The following RPS6KA5 variants were observed in gnomAD, a reference collection of about 807,000 sequenced individuals.
The protein encoded by RPS6KA5 is ribosomal protein S6 kinase alpha-5.
A neutral mutation model predicts 85.5 loss-of-function variants in RPS6KA5; 27 were observed. The ratio of observed to expected loss-of-function variants is 0.32; its 90% CI spans 0.23 to 0.44. The LOEUF is 0.44. Among genes scored for constraint, RPS6KA5 ranks in the 20% least tolerant of loss-of-function variants. The pLI is 1.00. For missense variants in RPS6KA5, 811 were observed against 980.9 expected (o/e 0.83, Z 2.31); for synonymous variants, 334 against 348.2 (o/e 0.96, Z 0.46).
intron 5 of RPS6KA5, among the ~76,000 whole-genome samples, chr14:90,926,695 G>A (rs947583383): frequency 2.0e-5 from 3 of 150,810 alleles, no homozygotes; most frequent in African/African-American, 7.3e-5. Context: ...GTGTGTGTGT[G>A]TACATATCTC....
At chr14:90,981,361 C>T (rs866560025) in intron 2 of RPS6KA5, among the ~76,000 whole-genome samples, 3 of 152,076 alleles carry the variant, frequency 2.0e-5, no homozygotes, top group African/African-American at 4.8e-5. Flanking sequence ...AAGATGACTC[C>T]GAGACCTCTC....
At chr14:90,887,945 CAAAAAAAA>C (rs34947711) in intron 14 of RPS6KA5, among the ~76,000 whole-genome samples, 84 of 42,760 alleles carry the variant, frequency 2.0e-3, no homozygotes, top group South Asian at 8.6e-3. Flanking sequence ...GAGGCTATCG[CAAAAAAAA>C]AAAAAAAAAA....
At chr14:90,951,118 CAAAAAAAA>C (rs57389099) in intron 3 of RPS6KA5, among the ~76,000 whole-genome samples, 35 of 84,546 alleles carry the variant, frequency 4.1e-4, no homozygotes, top group Admixed American at 4.1e-3. Context: ...GACTCAGTCT[CAAAAAAAA>C]AAAAAAAAAA....
At chr14:91,047,113 T>C (rs1445303187) in intron 1 of RPS6KA5, among the ~76,000 whole-genome samples, 1 of 152,036 alleles carries the variant, frequency 6.6e-6, no homozygotes, top group Non-Finnish European at 1.5e-5. Flanking sequence ...TCCCATATTT[T>C]CCCTACTACT....
chr14:90,885,767 A>AG (rs1566690691), intron 14 of RPS6KA5, among the ~76,000 whole-genome samples: 2 of 140,008 alleles, frequency 1.4e-5, no homozygotes, highest in African/African-American at 2.7e-5. Context: ...AAAAAAAAAA[A>AG]AAAAAAGAAA....
rs2032080243 is a variant in RPS6KA5 at position 90,852,883 on chromosome 14, C to G, written c.*19191G>C. Reference sequence around the variant, plus strand: ...TAGCTGGGACTACAGGCGCCTGCCACCACGCCCGGCTAATTTTTGTTGTAT... The same window carrying G: ...TAGCTGGGACTACAGGCGCCTGCCAGCACGCCCGGCTAATTTTTGTTGTAT... On this transcript the variant is annotated 3_prime_UTR_variant, in exon 17 of 17. Coordinates refer to ENST00000614987, the MANE Select transcript of RPS6KA5 (RefSeq NM_004755.4). 6.6e-6 allele frequency: 1 copy of G among 152,270 alleles called. No individual in the cohort carries two copies. Among genetic ancestry groups the G allele is most frequent in the African/African-American group, 2.4e-5 (1 of 41,354 alleles). The allele number at this position is 152,270 out of a possible 1,614,324, so 9.4% of individuals were successfully genotyped here. A position where few individuals can be genotyped will look rare whatever the true frequency, so the allele number is the denominator to read the frequency against.
At chr14:90,884,397 T>G (rs1309721935) in intron 14 of RPS6KA5, among the ~76,000 whole-genome samples, 1 of 152,164 alleles carries the variant, frequency 6.6e-6, no homozygotes, top group Non-Finnish European at 1.5e-5. Context: ...ATTTTGAATT[T>G]TCAGATTAGG....
chr14:90,979,042 G>A (rs1035121509), intron 2 of RPS6KA5, among the ~76,000 whole-genome samples: 1 of 152,136 alleles, frequency 6.6e-6, no homozygotes, highest in African/African-American at 2.4e-5. Context: ...GAGATCTTCA[G>A]ACTTAAAACA....
In RPS6KA5 at chr14:90,859,946, C is replaced by A. The variant is rs147416070; in HGVS notation, c.*12128G>T. ...TGGAAACAGGGAGGGGAACATCACA[C>A]GCTGGGGCCTGTCGGGGGGTTGGGG... On this transcript the variant is annotated 3_prime_UTR_variant, in exon 17 of 17. Coordinates refer to ENST00000614987, the MANE Select transcript of RPS6KA5 (RefSeq NM_004755.4). 1 of 145,632 alleles carries A rather than the reference C, an allele frequency of 6.9e-6. No homozygotes were observed. Among genetic ancestry groups the A allele is most frequent in the Non-Finnish European group, 1.5e-5 (1 of 66,894 alleles). The allele number at this position is 145,632 out of a possible 1,614,324, so 9.0% of individuals were successfully genotyped here. A position where few individuals can be genotyped will look rare whatever the true frequency, so the allele number is the denominator to read the frequency against.
intron 14 of RPS6KA5, among the ~76,000 whole-genome samples, chr14:90,887,707 A>C (rs1197906016): frequency 1.3e-5 from 2 of 152,002 alleles, no homozygotes; most frequent in Non-Finnish European, 2.9e-5. Context: ...CTGTAATCCC[A>C]GCATTTTGAG....
At chr14:91,050,401 A>G (rs1434157132) in intron 1 of RPS6KA5, among the ~76,000 whole-genome samples, 2 of 151,996 alleles carry the variant, frequency 1.3e-5, no homozygotes, top group Non-Finnish European at 2.9e-5. Context: ...AACAAAAACA[A>G]AAACAAAGCA....
At chr14:91,040,815 C>G (rs2042580522) in intron 1 of RPS6KA5, among the ~76,000 whole-genome samples, 1 of 152,186 alleles carries the variant, frequency 6.6e-6, no homozygotes, top group Non-Finnish European at 1.5e-5. Flanking sequence ...AATATCCAAG[C>G]ACTGAGTGCT....
chr14:90,885,125 T>C (rs1488069370), intron 14 of RPS6KA5, among the ~76,000 whole-genome samples: 1 of 151,604 alleles, frequency 6.6e-6, no homozygotes, highest in Non-Finnish European at 1.5e-5. Flanking sequence ...TGGTGGTGTG[T>C]GCCTGTAATC....
chr14:90,908,386 C>A (rs1033676766), intron 7 of RPS6KA5, among the ~76,000 whole-genome samples: 1 of 152,184 alleles, frequency 6.6e-6, no homozygotes, highest in South Asian at 2.1e-4. Flanking sequence ...TAGCCTAAAC[C>A]CCTCCCATTC....
chr14:90,902,195 AT>A (rs202188158), intron 9 of RPS6KA5, among the ~76,000 whole-genome samples: 3 of 150,148 alleles, frequency 2.0e-5, no homozygotes, highest in Non-Finnish European at 4.4e-5. Flanking sequence ...AAAAAAAAAA[AT>A]TTTTTTGGCT....
In RPS6KA5 at chr14:91,060,539, C is replaced by G. The variant is rs976999301; in HGVS notation, c.-105G>C. 2 of 1,217,712 alleles carry G rather than the reference C, an allele frequency of 1.6e-6. No individual in the cohort carries two copies. Among genetic ancestry groups the G allele is most frequent in the Non-Finnish European group, 2.1e-6 (2 of 970,050 alleles). 75.4% of individuals were successfully genotyped at this position (1,217,712 alleles called of 1,614,324 possible). A position where few individuals can be genotyped will look rare whatever the true frequency, so the allele number is the denominator to read the frequency against. The stretch of plus-strand genomic sequence containing the variant: ...TGCCGCGGCCCCAGGAGTCGGGGTG[C>G]GGCGGCTCCAGAACTCGGACGCAAA... On this transcript the variant is annotated 5_prime_UTR_variant, in exon 1 of 17. Transcript: ENST00000614987.
chr14:90,947,337 C>T, intron 4 of RPS6KA5, 98 bp downstream of exon 4: 1 of 693,426 alleles, frequency 1.4e-6, no homozygotes, highest in South Asian at 1.9e-5. Flanking sequence ...ATAATCTCCA[C>T]TAAGACAATA....
rs1036968309 is a variant in RPS6KA5, at chr14:90,862,713, T to C, written c.*9361A>G. 6 of 152,212 alleles carry C rather than the reference T, an allele frequency of 3.9e-5. No homozygotes were observed. The highest frequency in any genetic ancestry group is 1.2e-4 in the African/African-American group (5 of 41,438). The allele number at this position is 152,212 out of a possible 1,614,324, so 9.4% of individuals were successfully genotyped here. On this transcript the variant is annotated 3_prime_UTR_variant, in exon 17 of 17. Coordinates refer to ENST00000614987, the MANE Select transcript of RPS6KA5 (RefSeq NM_004755.4). ...TCCTGGGCTAAAGCAATCCTTCCTC[T>C]TGGCCTCCCAAAGTGTTGGGATTAC...
intron 2 of RPS6KA5, among the ~76,000 whole-genome samples, chr14:90,986,053 C>T (rs975536576): frequency 2.0e-5 from 3 of 152,182 alleles, no homozygotes; most frequent in African/African-American, 7.2e-5. Flanking sequence ...CTAGTTCTCA[C>T]TCTAAAGAAC....
Sources: gnomAD v4.1 joint callset for allele counts (sites outside exome capture counted in the v4.1 genomes callset) on GRCh38, gnomAD v4.1.1 for gene constraint, MANE v1.5 for transcripts, NCBI Gene and HGNC (gene_info 2026-07-23, HGNC 2026-07-21) for gene names.